Variants in GRIN2A observed in about 807,000 individuals in gnomAD.
The protein encoded by GRIN2A is glutamate receptor ionotropic, NMDA 2A.
In GRIN2A, 22 loss-of-function variants were observed where a neutral mutation model predicts 113.4. That is an observed-to-expected ratio of 0.19 (90% CI 0.14 to 0.28). The LOEUF is 0.28. Among genes scored for constraint, GRIN2A ranks in the 10% least tolerant of loss-of-function variants. The pLI is 1.00. For synonymous variants in GRIN2A, 827 were observed against 738.4 expected, an observed-to-expected ratio of 1.12 and a Z score of -1.94; for missense variants, 1,502 against 1,887.0, an observed-to-expected ratio of 0.80 and a Z score of 3.78.
At chr16:10,147,880 C>G (rs2049478490) in intron 2 of GRIN2A, among the ~76,000 whole-genome samples, 1 of 152,184 alleles carries the variant, frequency 6.6e-6, no homozygotes, top group Non-Finnish European at 1.5e-5. Flanking sequence ...ATTCTTTCCT[C>G]TACGAACTCT....
chr16:10,168,944 G>T (rs185827955), intron 2 of GRIN2A, among the ~76,000 whole-genome samples: 1 of 150,036 alleles, frequency 6.7e-6, no homozygotes, highest in Non-Finnish European at 1.5e-5. Context: ...CAGCCTGGGC[G>T]ACAAGAGCAA....
At chr16:9,854,140 C>A (rs1243579962) in intron 4 of GRIN2A, among the ~76,000 whole-genome samples, 1 of 151,872 alleles carries the variant, frequency 6.6e-6, no homozygotes, top group Non-Finnish European at 1.5e-5. Flanking sequence ...AAACATACAG[C>A]CTGTATTTTT....
chr16:9,904,561 C>T lies in GRIN2A; in HGVS notation c.1008-13461G>A, dbSNP rs530218985. Among the ~76,000 whole-genome samples the T allele has an allele frequency of 1.1e-3, 171 of 152,182 alleles. 2 individuals carry two copies. The highest frequency in any genetic ancestry group is 4.0e-3 in the African/African-American group (168 of 41,520). On this transcript the variant is annotated intron_variant, in intron 3 of 12. Coordinates refer to ENST00000330684, the MANE Select transcript of GRIN2A (RefSeq NM_001134407.3). ...TAATTTTTTGCATTATTAATGAAGA[C>T]AGGGTTTTTCTATGTGGGCCAGGCT...
intron 10 of GRIN2A, among the ~76,000 whole-genome samples, chr16:9,799,075 C>G (rs1322806505): frequency 6.6e-6 from 1 of 152,188 alleles, no homozygotes; most frequent in Non-Finnish European, 1.5e-5. Context: ...TGAGTATGCA[C>G]AAACACGCAT....
At chr16:10,018,743 A>G (rs549703615) in intron 2 of GRIN2A, among the ~76,000 whole-genome samples, 6 of 152,272 alleles carry the variant, frequency 3.9e-5, no homozygotes, top group African/African-American at 1.4e-4. Flanking sequence ...CGCTTTCACC[A>G]TGAAGATGAG....
chr16:9,786,347 G>A (rs370828547), intron 11 of GRIN2A, among the ~76,000 whole-genome samples: 2 of 152,206 alleles, frequency 1.3e-5, no homozygotes, highest in South Asian at 2.1e-4. Flanking sequence ...CCCCAAACTG[G>A]CAGGGTTGAA....
At chr16:10,093,142 T>C (rs1199655838) in intron 2 of GRIN2A, among the ~76,000 whole-genome samples, 2 of 152,190 alleles carry the variant, frequency 1.3e-5, no homozygotes, top group Non-Finnish European at 1.5e-5. Context: ...CCGGCCAACC[T>C]TTCTGAAACC....
At chr16:10,165,094 G>C (rs2049884390) in intron 2 of GRIN2A, among the ~76,000 whole-genome samples, 1 of 152,098 alleles carries the variant, frequency 6.6e-6, no homozygotes, top group Admixed American at 6.5e-5. Context: ...CTGTGATGTA[G>C]ACATTTCATT....
At chr16:9,785,778 C>T (rs558867588) in intron 11 of GRIN2A, among the ~76,000 whole-genome samples, 2 of 152,124 alleles carry the variant, frequency 1.3e-5, no homozygotes, top group East Asian at 3.9e-4. Flanking sequence ...TAGAAATGCC[C>T]CACAGGAGGT....
intron 4 of GRIN2A, among the ~76,000 whole-genome samples, chr16:9,862,091 G>T (rs9935886): frequency 0.018 from 2,710 of 152,210 alleles, 89 homozygotes; most frequent in African/African-American, 0.062. Context: ...TGTGGTCTAA[G>T]GACCCCATTT....
intron 2 of GRIN2A, among the ~76,000 whole-genome samples, chr16:9,960,139 T>A (rs1320628989): frequency 6.6e-6 from 1 of 152,022 alleles, no homozygotes; most frequent in Non-Finnish European, 1.5e-5. Context: ...AGGAAAAAAA[T>A]GAGCTTTGCA....
intron 3 of GRIN2A, among the ~76,000 whole-genome samples, chr16:9,895,781 G>T (rs1018774188): frequency 6.6e-5 from 10 of 152,144 alleles, no homozygotes; most frequent in African/African-American, 2.4e-4. Flanking sequence ...AACTCACTGA[G>T]GTGTTTCTTA....
chr16:9,941,669 G>C (rs796825934), intron 2 of GRIN2A, among the ~76,000 whole-genome samples: 43 of 151,952 alleles, frequency 2.8e-4, no homozygotes, highest in African/African-American at 8.0e-4. Flanking sequence ...GGCCTTGGAT[G>C]GGGGGGAAAA....
At chr16:9,984,568 T>C (rs1304131930) in intron 2 of GRIN2A, among the ~76,000 whole-genome samples, 1 of 152,212 alleles carries the variant, frequency 6.6e-6, no homozygotes, top group Non-Finnish European at 1.5e-5. Context: ...CTTCTGCATA[T>C]GAATATCCAC....
At chr16:9,914,852 C>T (rs547997805) in intron 3 of GRIN2A, among the ~76,000 whole-genome samples, 30 of 136,750 alleles carry the variant, frequency 2.2e-4, no homozygotes, top group African/African-American at 8.1e-4. Context: ...ACATTCCCCA[C>T]ATGTGGGAAG....
chr16:9,847,818 T>A (rs537046465), intron 5 of GRIN2A, among the ~76,000 whole-genome samples: 14 of 148,580 alleles, frequency 9.4e-5, no homozygotes, highest in South Asian at 4.2e-4. Context: ...GGCATATTTA[T>A]TTATTCCATG....
intron 2 of GRIN2A, among the ~76,000 whole-genome samples, chr16:10,149,114 T>C (rs569841207): frequency 1.3e-5 from 2 of 152,276 alleles, no homozygotes; most frequent in Admixed American, 1.3e-4. Context: ...GGATGGTTAA[T>C]GGGTTCAAAA....
intron 4 of GRIN2A, among the ~76,000 whole-genome samples, chr16:9,888,952 T>C (rs1395651258): frequency 6.6e-6 from 1 of 152,126 alleles, no homozygotes; most frequent in Non-Finnish European, 1.5e-5. Context: ...TAGCCCCCAC[T>C]TATCCATGAT....
intron 11 of GRIN2A, among the ~76,000 whole-genome samples, chr16:9,773,900 A>T (rs1003077760): frequency 6.6e-6 from 1 of 152,228 alleles, no homozygotes; most frequent in Non-Finnish European, 1.5e-5. Context: ...AAGACAGAGT[A>T]ATAGAGTTTC....
Sources: allele counts gnomAD v4.1 joint callset (sites outside exome capture counted in the v4.1 genomes callset), GRCh38; gene constraint gnomAD v4.1.1; transcripts MANE v1.5; gene names NCBI Gene and HGNC (gene_info 2026-07-23, HGNC 2026-07-21).